Variants in CEP83 observed in about 807,000 individuals in gnomAD.
CEP83 encodes centrosomal protein 83, also known as centrosomal protein of 83 kDa.
In CEP83, 70 loss-of-function variants were observed where a neutral mutation model predicts 101.9. The ratio of observed to expected loss-of-function variants is 0.69; its 90% CI spans 0.57 to 0.84. The LOEUF (loss-of-function observed/expected upper bound fraction) is 0.84. Among genes scored for constraint, CEP83 ranks in the 40% least tolerant of loss-of-function variants. The pLI is 0.00. For synonymous variants in CEP83, 264 were observed against 267.9 expected, an observed-to-expected ratio of 0.99 and a Z score of 0.14; for missense variants, 715 against 787.2, an observed-to-expected ratio of 0.91 and a Z score of 1.10.
chr12:94,388,878 G>A (rs1291690180), intron 6 of CEP83, among the ~76,000 whole-genome samples: 2 of 152,156 alleles, frequency 1.3e-5, no homozygotes, highest in Non-Finnish European at 2.9e-5. Context: ...TGTAATCCCA[G>A]TACTTTGGGA....
chr12:94,390,348 C>T (rs1351792163), intron 6 of CEP83, among the ~76,000 whole-genome samples: 1 of 152,218 alleles, frequency 6.6e-6, no homozygotes, highest in Admixed American at 6.5e-5. Context: ...TGGAGTGGAA[C>T]TCCCGCAAGC....
At chr12:94,424,136 G>A (rs991287247) in intron 2 of CEP83, 13 of 1,602,984 alleles carry the variant, frequency 8.1e-6, no homozygotes, top group Non-Finnish European at 1.1e-5. Context: ...TGGGGAGAGT[G>A]CAGACCGAGC....
At chr12:94,376,908 T>C (rs2061583843) in intron 7 of CEP83, among the ~76,000 whole-genome samples, 1 of 151,796 alleles carries the variant, frequency 6.6e-6, no homozygotes, top group African/African-American at 2.4e-5. Context: ...CCTGGCTAAT[T>C]TTTGTACTTT....
At chr12:94,330,522 A>C (rs1258562773) in intron 14 of CEP83, among the ~76,000 whole-genome samples, 1 of 152,236 alleles carries the variant, frequency 6.6e-6, no homozygotes, top group Non-Finnish European at 1.5e-5. Context: ...TAGGTTCTGG[A>C]GAAAAGTATG....
chr12:94,375,755 T>C (rs2061500525), intron 8 of CEP83, 131 bp downstream of exon 8: 2 of 487,396 alleles, frequency 4.1e-6, no homozygotes, highest in African/African-American at 4.0e-5. Flanking sequence ...GATCAATGTA[T>C]TTATTTCTTA....
At chr12:94,419,740 G>A (rs200254947) in intron 2 of CEP83, among the ~76,000 whole-genome samples, 3 of 152,162 alleles carry the variant, frequency 2.0e-5, no homozygotes, top group East Asian at 1.9e-4. Flanking sequence ...TTGCTGAACC[G>A]TAAGGAGAAG....
the CEP83 span, chr12:94,281,932 T>TA: frequency 4.1e-6 from 1 of 246,278 alleles, no homozygotes; most frequent in Admixed American, 5.2e-5. Flanking sequence ...AACAGGAGCC[T>TA]ACAGAGATGG....
In CEP83 at chr12:94,378,879, T is replaced by C. The variant is rs769090790; in HGVS notation, c.713A>G (p.Lys238Arg). ...EAEVAELKAE[K>R]ENSEAQVENA... is the part of the protein sequence containing the mutation. ...TTCCACCTGAGCCTCAGAATTCTCC[T>C]TTTCAGCCTTTAATTCCGCTACTTC... The change falls in exon 7 of 17, where the codon AAG becomes AGG. Residue 238 changes from lysine (K) to arginine (R), a missense_variant. Lys to Arg is a conservative substitution (Grantham distance 26). Transcript: ENST00000397809. 1 of 1,613,988 alleles carries C rather than the reference T, an allele frequency of 6.2e-7. No individual in the cohort carries two copies. The highest frequency in any genetic ancestry group is 1.3e-5 in the African/African-American group (1 of 74,934).
At chr12:94,298,636 C>G in the CEP83 span, 38 of 1,587,052 alleles carry the variant, frequency 2.4e-5, no homozygotes, top group Non-Finnish European at 3.2e-5. Flanking sequence ...TTTCAGGTGG[C>G]AATTCATTCT....
At chr12:94,279,940 A>G in the CEP83 span, 1 of 524,674 alleles carries the variant, frequency 1.9e-6, no homozygotes, top group Non-Finnish European at 3.6e-6. Flanking sequence ...CTGAGACTGC[A>G]CGGAATCACC....
In CEP83 at chr12:94,411,740, TCTC is replaced by T. The variant is rs751930936; in HGVS notation, c.278_280del (p.Gly93del). 2 of 1,610,332 alleles carry T rather than the reference TCTC, an allele frequency of 1.2e-6. No homozygotes were observed. Among genetic ancestry groups the T allele is most frequent in the Non-Finnish European group, 8.5e-7 (1 of 1,177,888 alleles). ...TAAATCTTTAGTTTTCTCTACTAAT[TCTC>T]CTCTTAGTTCTTCAAGCAGGAGCTG... On this transcript the variant is annotated inframe_deletion, in exon 4 of 17. Coordinates refer to ENST00000397809, the MANE Select transcript of CEP83 (RefSeq NM_016122.3).
intron 13 of CEP83, among the ~76,000 whole-genome samples, chr12:94,333,045 C>CCAA (rs2059294335): frequency 1.4e-5 from 1 of 73,174 alleles, no homozygotes; most frequent in Non-Finnish European, 2.4e-5. Context: ...ATTTTAAGAC[C>CCAA]AAAAAAAAAA....
intron 11 of CEP83, among the ~76,000 whole-genome samples, chr12:94,343,409 C>T (rs1485426388): frequency 1.3e-5 from 2 of 150,468 alleles, no homozygotes; most frequent in East Asian, 3.9e-4. Flanking sequence ...TCAGAGTGTT[C>T]CACAAAGCAG....
chr12:94,388,191 T>C (rs2062272432), intron 6 of CEP83, among the ~76,000 whole-genome samples: 1 of 152,218 alleles, frequency 6.6e-6, no homozygotes, highest in African/African-American at 2.4e-5. Flanking sequence ...TTCCCATCAA[T>C]GGTGAACTGG....
intron 11 of CEP83, among the ~76,000 whole-genome samples, chr12:94,339,627 A>G (rs2059594837): frequency 6.6e-6 from 1 of 152,234 alleles, no homozygotes; most frequent in African/African-American, 2.4e-5. Flanking sequence ...GAAGCAACAT[A>G]CAGGGCAAAC....
downstream of CEP83, among the ~76,000 whole-genome samples, chr12:94,303,380 G>A (rs1416049761): frequency 6.6e-6 from 1 of 152,214 alleles, no homozygotes; most frequent in Admixed American, 6.5e-5. Flanking sequence ...TGGTGGGTGA[G>A]GATGAGAGCA....
chr12:94,369,990 T>A lies in CEP83; in HGVS notation c.980A>T (p.Lys327Ile), dbSNP rs752116946. The change falls in exon 9 of 17, where the codon AAA becomes ATA. Residue 327 changes from lysine to isoleucine, a missense_variant. Physicochemically the swap from Lys to Ile is moderately radical, Grantham distance 102. Coordinates refer to ENST00000397809, the MANE Select transcript of CEP83 (RefSeq NM_016122.3). ...ACTCTTAGCTCTTGCTGTCTCCAGT[T>A]TGATGTCTGTTATTTCCAGTTTGTT... ...HSNKLEITDI[K>I]LETARAKSEL... The A allele has an allele frequency of 2.5e-6, 4 of 1,611,108 alleles. No homozygotes were observed. In the African/African-American group the frequency reaches 5.3e-5, roughly 22 times the overall value.
intron 1 of CEP83, among the ~76,000 whole-genome samples, chr12:94,458,424 G>C (rs2067860100): frequency 6.6e-6 from 1 of 152,128 alleles, no homozygotes; most frequent in African/African-American, 2.4e-5. Context: ...TCTCAGGAGA[G>C]TCCTGTGTGA....
chr12:94,357,026 ATAAAACAGGGAC>A (rs1322224135), intron 11 of CEP83, among the ~76,000 whole-genome samples: 1 of 152,206 alleles, frequency 6.6e-6, no homozygotes, highest in Non-Finnish European at 1.5e-5. Context: ...CTTTAGTGCT[ATAAAACAGGGAC>A]CAAGGGAACC....
Sources: gnomAD v4.1 joint callset for allele counts (sites outside exome capture counted in the v4.1 genomes callset) on GRCh38, gnomAD v4.1.1 for gene constraint, MANE v1.5 for transcripts, NCBI Gene and HGNC (gene_info 2026-07-23, HGNC 2026-07-21) for gene names.